The following CNDP1 variants were observed in gnomAD, a reference collection of about 807,000 sequenced individuals.
The protein encoded by CNDP1 is beta-Ala-His dipeptidase.
A neutral mutation model predicts 58.1 loss-of-function variants in CNDP1; 44 were observed. The observed-to-expected ratio is 0.76, with a 90% CI of 0.60 to 0.97. The LOEUF is 0.97. Ranked by LOEUF, CNDP1 falls within the 50% of genes least tolerant of loss-of-function variation. The pLI, the probability that CNDP1 is intolerant of heterozygous loss-of-function variation, is 0.00. For missense variants in CNDP1, 616 were observed against 655.1 expected, an observed-to-expected ratio of 0.94 and a Z score of 0.65; for synonymous variants, 254 against 252.6, an observed-to-expected ratio of 1.01 and a Z score of -0.05.
At position 74,569,339 on chromosome 18, in the gene CNDP1, A is replaced by G. The variant is rs758486776; in HGVS notation, c.757-1847A>G. On this transcript the variant is annotated intron_variant, in intron 6 of 11. Coordinates refer to ENST00000358821, the MANE Select transcript of CNDP1 (RefSeq NM_032649.6). The stretch of plus-strand genomic sequence containing the variant: ...GGGAATGAACTGAAGAATCAACTTC[A>G]AAAAAGCCCAACCTGTAGAAATTGG... Among the ~76,000 whole-genome samples, 3 of 152,316 alleles carry G rather than the reference A, an allele frequency of 2.0e-5. No individual in the cohort carries two copies. The South Asian group carries it at 6.2e-4, about 32-fold the overall frequency.
chr18:74,535,894 G>T (rs1980474917), intron 1 of CNDP1, among the ~76,000 whole-genome samples: 1 of 152,044 alleles, frequency 6.6e-6, no homozygotes, highest in African/African-American at 2.4e-5. Flanking sequence ...TAGCCAGGCA[G>T]GGTGGAGCAT....
rs770972714 is a variant in CNDP1, at chr18:74,580,108, C to T, written c.1168-22C>T. The stretch of plus-strand genomic sequence containing the variant: ...AGAATAACTTGACACTTTCTCTTAT[C>T]ATTGAAAATGTCACCTTTTAGGTGA... On this transcript the variant is annotated intron_variant, in intron 9 of 11. Transcript: ENST00000358821. 5.6e-6 allele frequency: 9 copies of T among 1,600,944 alleles called. No homozygotes were observed. In the African/African-American group the frequency reaches 6.7e-5, roughly 12 times the overall value.
Position 74,585,322 on chromosome 18 carries a change from C to A in CNDP1, c.*760C>A, listed in dbSNP as rs990228750. On this transcript the variant is annotated 3_prime_UTR_variant, in exon 12 of 12. Coordinates refer to ENST00000358821, the MANE Select transcript of CNDP1 (RefSeq NM_032649.6). ...ACTCTCTCTCTATCCAACATCTGTGCACAGGTTGCACCAGAGCAGAATTTA... is the reference window on the plus strand; with the variant it reads ...ACTCTCTCTCTATCCAACATCTGTGAACAGGTTGCACCAGAGCAGAATTTA... 71 of 152,334 alleles carry A rather than the reference C, an allele frequency of 4.7e-4. No homozygotes were observed. Among genetic ancestry groups the A allele is most frequent in the African/African-American group, 1.7e-3 (69 of 41,562 alleles). The allele number at this position is 152,334 out of a possible 1,614,324, so 9.4% of individuals were successfully genotyped here.
At chr18:74,549,095 A>T (rs1980834044) in intron 1 of CNDP1, among the ~76,000 whole-genome samples, 1 of 152,160 alleles carries the variant, frequency 6.6e-6, no homozygotes, top group African/African-American at 2.4e-5. Flanking sequence ...TGCAGCATTT[A>T]CCCTGAGATA....
At position 74,547,912 on chromosome 18, in the gene CNDP1, T is replaced by A. The variant is rs191481235; in HGVS notation, c.25-8426T>A. Reference sequence around the variant, plus strand: ...GGAACTTTTGTTCCAAATCTAAAAATCTAAGAATAACCACCTGGAATAAAC... The same window carrying A: ...GGAACTTTTGTTCCAAATCTAAAAAACTAAGAATAACCACCTGGAATAAAC... On this transcript the variant is annotated intron_variant, in intron 1 of 11. Coordinates refer to ENST00000358821, the MANE Select transcript of CNDP1 (RefSeq NM_032649.6). 3.6e-3 allele frequency among the ~76,000 whole-genome samples: 545 copies of A among 152,184 alleles called. 4 individuals are homozygous for A. Among genetic ancestry groups the A allele is most frequent in the Middle Eastern group, 6.8e-3 (2 of 294 alleles).
intron 2 of CNDP1, among the ~76,000 whole-genome samples, chr18:74,557,107 G>T (rs1363777186): frequency 6.6e-6 from 1 of 151,964 alleles, no homozygotes; most frequent in Non-Finnish European, 1.5e-5. Flanking sequence ...CAGTAGAGAC[G>T]GGATTTCCCC....
chr18:74,583,911 G>A (rs973174913), intron 11 of CNDP1: 1 of 565,478 alleles, frequency 1.8e-6, no homozygotes, highest in African/African-American at 1.9e-5. Context: ...TTCCTGGTGG[G>A]TATGGGCTGT....
chr18:74,549,739 G>A (rs1980852052), intron 1 of CNDP1, among the ~76,000 whole-genome samples: 1 of 152,188 alleles, frequency 6.6e-6, no homozygotes, highest in Admixed American at 6.5e-5. Flanking sequence ...AGACCTTTGA[G>A]GAAGCCCCTC....
At chr18:74,567,916 T>C (rs1981373018) in intron 6 of CNDP1, among the ~76,000 whole-genome samples, 1 of 152,208 alleles carries the variant, frequency 6.6e-6, no homozygotes, top group African/African-American at 2.4e-5. Flanking sequence ...GCTTCTACCA[T>C]GCCCAGCCTT....
intron 1 of CNDP1, among the ~76,000 whole-genome samples, chr18:74,546,300 C>T (rs142185594): frequency 2.6e-5 from 4 of 152,264 alleles, no homozygotes; most frequent in Non-Finnish European, 4.4e-5. Context: ...GCATTGTTCC[C>T]GTTACCATCA....
Position 74,584,532 on chromosome 18 carries a change from C to G in CNDP1, c.1494C>G (p.Ala498=), listed in dbSNP as rs1268732754. 1 of 1,613,814 alleles carries G rather than the reference C, an allele frequency of 6.2e-7. No homozygotes were observed. The highest frequency in any genetic ancestry group is 1.1e-5 in the South Asian group (1 of 91,072). Residue 498 remains alanine (A), a synonymous_variant, in exon 12 of 12, where the codon GCC becomes GCG. Transcript: ENST00000358821. ...NYIEGTKLFA[A]FFLEMAQLH ...TAGAGGGAACCAAATTATTTGCTGC[C>G]TTTTTCTTAGAGATGGCCCAGCTCC... is the stretch of plus-strand genomic sequence containing the variant.
At chr18:74,580,352 C>A (rs1599103763) in intron 10 of CNDP1, 81 bp downstream of exon 10, 1 of 1,419,450 alleles carries the variant, frequency 7.0e-7, no homozygotes, top group East Asian at 2.3e-5. Flanking sequence ...GTAAAGCAGA[C>A]ACTTTTAAAA....
chr18:74,561,063 A>C (rs933957195), intron 4 of CNDP1, 45 bp downstream of exon 4: 81 of 1,587,878 alleles, frequency 5.1e-5, no homozygotes, highest in Middle Eastern at 1.8e-4. Context: ...CTGTGCTTGC[A>C]AGATTGAAGG....
chr18:74,573,456 C>CTATCTATCTATG (rs1363781479), intron 7 of CNDP1, among the ~76,000 whole-genome samples: 16 of 129,242 alleles, frequency 1.2e-4, no homozygotes, highest in South Asian at 2.5e-4. Flanking sequence ...ATCTATGTAT[C>CTATCTATCTATG]TATCTATCTA....
chr18:74,575,663 A>C (rs1981612955), intron 7 of CNDP1, among the ~76,000 whole-genome samples: 1 of 152,092 alleles, frequency 6.6e-6, no homozygotes, highest in African/African-American at 2.4e-5. Context: ...ATGGTATCTC[A>C]TAGAGTAGAC....
intron 5 of CNDP1, among the ~76,000 whole-genome samples, chr18:74,566,902 G>C (rs1408451073): frequency 6.6e-6 from 1 of 152,178 alleles, no homozygotes; most frequent in African/African-American, 2.4e-5. Context: ...AGACTGGGAA[G>C]AAAAAGAGGT....
intron 6 of CNDP1, among the ~76,000 whole-genome samples, chr18:74,570,103 G>A (rs1423974243): frequency 6.6e-6 from 1 of 150,752 alleles, no homozygotes; most frequent in East Asian, 1.9e-4. Context: ...GGAGGCTGAG[G>A]CAGAAGAATT....
intron 8 of CNDP1, 23 bp from the exon 9 acceptor site, chr18:74,578,140 T>C (rs1981679693): frequency 6.3e-7 from 1 of 1,592,298 alleles, no homozygotes; most frequent in Non-Finnish European, 8.5e-7. Flanking sequence ...AAGCATCCTT[T>C]GGATAATTTT....
intron 7 of CNDP1, among the ~76,000 whole-genome samples, chr18:74,572,845 G>GAA (rs1491580740): frequency 1.6e-5 from 1 of 64,192 alleles, no homozygotes; most frequent in African/African-American, 1.0e-4. Flanking sequence ...AATAGAAAAA[G>GAA]CAAAAAAAAA....
Sources: allele counts gnomAD v4.1 joint callset (sites outside exome capture counted in the v4.1 genomes callset), GRCh38; gene constraint gnomAD v4.1.1; transcripts MANE v1.5; gene names NCBI Gene and HGNC (gene_info 2026-07-23, HGNC 2026-07-21).